GPC5: variants seen among roughly 807,000 people sequenced by gnomAD.
GPC5 encodes the protein glypican 5.
A neutral mutation model predicts 53.9 loss-of-function variants in GPC5; 47 were observed. The observed-to-expected ratio is 0.87, with a 90% confidence interval of 0.69 to 1.11. The LOEUF is 1.11. Ranked by LOEUF, GPC5 falls within the 50% of genes most tolerant of loss-of-function variation. The probability of loss-of-function intolerance (pLI) is 0.00; values close to 1 mark genes in which losing one functional copy is unlikely to be tolerated. For missense variants in GPC5, 748 were observed against 713.1 expected, an observed-to-expected ratio of 1.05 and a Z score of -0.56; for synonymous variants, 286 against 263.3, an observed-to-expected ratio of 1.09 and a Z score of -0.84.
chr13:91,633,994 A>G (rs992731963), intron 2 of GPC5, among the ~76,000 whole-genome samples: 1 of 152,074 alleles, frequency 6.6e-6, no homozygotes, highest in African/African-American at 2.4e-5. Flanking sequence ...TATTGCTTTT[A>G]TGAATAATAA....
At chr13:92,030,794 C>T (rs1370632657) in intron 6 of GPC5, among the ~76,000 whole-genome samples, 1 of 152,172 alleles carries the variant, frequency 6.6e-6, no homozygotes, top group Non-Finnish European at 1.5e-5. Flanking sequence ...AAGAGCCTGG[C>T]GTCTCCTGTT....
intron 7 of GPC5, among the ~76,000 whole-genome samples, chr13:92,820,858 T>G (rs185069072): frequency 6.6e-6 from 1 of 152,302 alleles, no homozygotes. Context: ...TGATTCTCAT[T>G]ACTTTCCTAT....
intron 5 of GPC5, among the ~76,000 whole-genome samples, chr13:91,814,571 A>C (rs2038370682): frequency 6.7e-6 from 1 of 150,164 alleles, no homozygotes; most frequent in Non-Finnish European, 1.5e-5. Flanking sequence ...ACAGAGTTTC[A>C]CTCTCGTCAC....
At chr13:92,323,670 C>T (rs1411957085) in intron 7 of GPC5, among the ~76,000 whole-genome samples, 3 of 151,334 alleles carry the variant, frequency 2.0e-5, no homozygotes, top group African/African-American at 4.8e-5. Context: ...AAAGAAAGAC[C>T]GAAAATTTTT....
chr13:92,559,238 A>G (rs1045624619), intron 7 of GPC5, among the ~76,000 whole-genome samples: 1 of 151,870 alleles, frequency 6.6e-6, no homozygotes, highest in African/African-American at 2.4e-5. Flanking sequence ...CAATGACGAA[A>G]GAGATGAGCT....
chr13:91,400,232 G>C (rs898474288), intron 1 of GPC5, among the ~76,000 whole-genome samples: 1 of 152,170 alleles, frequency 6.6e-6, no homozygotes, highest in African/African-American at 2.4e-5. Flanking sequence ...CTAAAGTCCC[G>C]AGTTTCCAGG....
At chr13:91,603,050 C>T (rs1409090401) in intron 2 of GPC5, among the ~76,000 whole-genome samples, 3 of 152,128 alleles carry the variant, frequency 2.0e-5, no homozygotes, top group African/African-American at 7.2e-5. Context: ...TTTGGCATGA[C>T]TGGGGTAGTG....
intron 7 of GPC5, among the ~76,000 whole-genome samples, chr13:92,349,453 CTTT>C (rs71120097): frequency 7.0e-6 from 1 of 143,236 alleles, no homozygotes; most frequent in Non-Finnish European, 1.5e-5. Flanking sequence ...CAGGTTTTTT[CTTT>C]TTTTTTTTTT....
At chr13:92,644,621 C>T (rs1885705837) in intron 7 of GPC5, among the ~76,000 whole-genome samples, 1 of 152,124 alleles carries the variant, frequency 6.6e-6, no homozygotes, top group African/African-American at 2.4e-5. Context: ...TAGATCTTTA[C>T]TTTCCTCTTC....
chr13:91,504,869 G>A (rs545270227), intron 2 of GPC5, among the ~76,000 whole-genome samples: 29 of 152,174 alleles, frequency 1.9e-4, no homozygotes, highest in East Asian at 1.7e-3. Flanking sequence ...TAGGAGGATC[G>A]CTTGAGGTAA....
At chr13:92,790,154 C>T (rs1036928207) in intron 7 of GPC5, among the ~76,000 whole-genome samples, 1 of 152,108 alleles carries the variant, frequency 6.6e-6, no homozygotes, top group African/African-American at 2.4e-5. Context: ...GTGGTATCTT[C>T]AAATCCACTG....
chr13:92,056,296 C>T (rs1368510058), intron 6 of GPC5, among the ~76,000 whole-genome samples: 1 of 152,142 alleles, frequency 6.6e-6, no homozygotes, highest in Non-Finnish European at 1.5e-5. Context: ...TATACTTTTG[C>T]ATTTTTCTTT....
chr13:92,051,425 CT>C (rs1189599870), intron 6 of GPC5, among the ~76,000 whole-genome samples: 2 of 151,488 alleles, frequency 1.3e-5, no homozygotes, highest in African/African-American at 4.9e-5. Context: ...TGGTCTCGAT[CT>C]CTTGACCTTG....
At chr13:91,726,982 C>T (rs2036588771) in intron 3 of GPC5, among the ~76,000 whole-genome samples, 1 of 152,206 alleles carries the variant, frequency 6.6e-6, no homozygotes. Context: ...CCTCTTCTTG[C>T]TACACCCATT....
chr13:92,176,682 C>G (rs2042110921), intron 7 of GPC5, among the ~76,000 whole-genome samples: 1 of 152,142 alleles, frequency 6.6e-6, no homozygotes, highest in African/African-American at 2.4e-5. Flanking sequence ...ATTCCTAATC[C>G]CACCATTTTT....
At chr13:91,918,852 C>A (rs2039684208) in intron 6 of GPC5, among the ~76,000 whole-genome samples, 2 of 152,016 alleles carry the variant, frequency 1.3e-5, no homozygotes, top group Non-Finnish European at 2.9e-5. Flanking sequence ...TTTCTGGGTT[C>A]CCACGCAGTC....
At chr13:91,500,189 C>G (rs1884539796) in intron 2 of GPC5, among the ~76,000 whole-genome samples, 1 of 152,152 alleles carries the variant, frequency 6.6e-6, no homozygotes, top group South Asian at 2.1e-4. Flanking sequence ...TGTCTCTTGC[C>G]ATTAGAATAC....
chr13:92,396,614 C>T (rs1331379206), intron 7 of GPC5, among the ~76,000 whole-genome samples: 1 of 152,112 alleles, frequency 6.6e-6, no homozygotes, highest in Non-Finnish European at 1.5e-5. Flanking sequence ...TAGTTTGTCG[C>T]ACCTATCAAC....
chr13:92,813,207 G>A lies in GPC5; in HGVS notation c.1562-53075G>A, dbSNP rs1057326329. Among the ~76,000 whole-genome samples, 16 of 151,938 alleles carry A rather than the reference G, an allele frequency of 1.1e-4. No individual in the cohort carries two copies. The East Asian group carries it at 1.2e-3, about 11-fold the overall frequency. ...AAGGCATCCTAACAATGTCAGAAACGAGTCTCCTGATCCATTTTTGTTGAA... is the reference window on the plus strand; with the variant it reads ...AAGGCATCCTAACAATGTCAGAAACAAGTCTCCTGATCCATTTTTGTTGAA... On this transcript the variant is annotated intron_variant, in intron 7 of 7. Transcript: ENST00000377067.
Sources: gnomAD v4.1 joint callset for allele counts (sites outside exome capture counted in the v4.1 genomes callset) on GRCh38, gnomAD v4.1.1 for gene constraint, MANE v1.5 for transcripts, NCBI Gene and HGNC (gene_info 2026-07-23, HGNC 2026-07-21) for gene names.